The following GPR4 variants were observed in gnomAD, a reference collection of about 807,000 sequenced individuals.
GPR4 encodes the protein G-prodeshotein coupled receptor 4.
GPR4 carries 11 observed loss-of-function variants against 17.8 expected under a neutral mutation model. That is an observed-to-expected ratio of 0.62 (90% CI 0.39 to 1.02). The LOEUF (loss-of-function observed/expected upper bound fraction) is 1.02, where lower values mean the gene tolerates loss of function less well. Ranked by LOEUF, GPR4 falls within the 50% of genes least tolerant of loss-of-function variation. The pLI is 0.00. For missense variants in GPR4, 364 were observed against 495.4 expected (o/e 0.73, Z 2.52); for synonymous variants, 219 against 222.8 (o/e 0.98, Z 0.15).
In GPR4 at chr19:45,591,654, C is replaced by T; in HGVS notation, c.213G>A (p.Pro71=). ...IADLLYICTL[P]LWVDYFLHHD... is the part of the protein sequence containing the mutation. ...GGTGCAGGAAGTAGTCCACCCACAGCGGCAGCGTGCAGATGTACAGCAGGT... is the reference window on the plus strand; with the variant it reads ...GGTGCAGGAAGTAGTCCACCCACAGTGGCAGCGTGCAGATGTACAGCAGGT... The change falls in exon 2 of 2, where the codon CCG becomes CCA. Residue 71 remains proline (P), a synonymous_variant. Coordinates refer to ENST00000323040, the MANE Select transcript of GPR4 (RefSeq NM_005282.3). This position sits in a 1 kb window ranked among gnomAD's most constrained non-coding sequence, Gnocchi z 7.6. 1.2e-6 allele frequency: 2 copies of T among 1,613,942 alleles called. No homozygotes were observed.
chr19:45,601,404 TGGCGGGCG>T (rs945606707), intron 1 of GPR4, among the ~76,000 whole-genome samples: 1 of 151,676 alleles, frequency 6.6e-6, no homozygotes, highest in Non-Finnish European at 1.5e-5. Flanking sequence ...TTCCTGAAAT[TGGCGGGCG>T]GGCTGGGTGC....
chr19:45,597,452 G>A (rs1970068999), intron 1 of GPR4, among the ~76,000 whole-genome samples: 1 of 152,038 alleles, frequency 6.6e-6, no homozygotes, highest in Non-Finnish European at 1.5e-5. Context: ...CCTGCCCCAG[G>A]ACCCTCTCCT....
chr19:45,593,526 G>GAA (rs149403242), intron 1 of GPR4, among the ~76,000 whole-genome samples: 33 of 138,926 alleles, frequency 2.4e-4, no homozygotes, highest in Admixed American at 1.6e-3. Context: ...AGAAAAAAAA[G>GAA]AAAAAAAAAA....
chr19:45,598,713 C>A (rs920503531), intron 1 of GPR4, among the ~76,000 whole-genome samples: 1 of 152,128 alleles, frequency 6.6e-6, no homozygotes, highest in African/African-American at 2.4e-5. Flanking sequence ...TATTTCTGAC[C>A]CCTTCCTGGT....
At chr19:45,594,094 A>ATTTT (rs1970032285) in intron 1 of GPR4, among the ~76,000 whole-genome samples, 1 of 112,950 alleles carries the variant, frequency 8.9e-6, no homozygotes, top group Non-Finnish European at 1.6e-5. Context: ...ATATATATAT[A>ATTTT]AAATAGATGC....
chr19:45,595,744 T>C (rs1434674303), intron 1 of GPR4, among the ~76,000 whole-genome samples: 6 of 151,794 alleles, frequency 4.0e-5, no homozygotes, highest in African/African-American at 1.5e-4. Context: ...GCTTTTTTTT[T>C]TTTTCCCCCA....
rs1361074582 is a variant in GPR4, at chr19:45,595,315, ATAAAAAAT to A, written c.-831-2626_-831-2619del. 1.1e-3 allele frequency among the ~76,000 whole-genome samples: 147 copies of A among 137,028 alleles called. 1 individual carries two copies. The highest frequency in any genetic ancestry group is 4.1e-3 in the South Asian group (18 of 4,386). 89.9% of individuals were successfully genotyped at this position (137,028 alleles called of 152,430 possible). ...AATAAATAAATAAATAAATAAATAA[ATAAAAAAT>A]AACTGGACAGAAAAGGGCCCTGGGC... On this transcript the variant is annotated intron_variant, in intron 1 of 1. Transcript: ENST00000323040.
At position 45,601,449 on chromosome 19, in the gene GPR4, G is replaced by C. The variant is rs1419791934; in HGVS notation, c.-832+646C>G. On this transcript the variant is annotated intron_variant, in intron 1 of 1. Coordinates refer to ENST00000323040, the MANE Select transcript of GPR4 (RefSeq NM_005282.3). ...ACCTGAGGGGCAGTGGGGTGGCTCC[G>C]TGAAGGGGGCGCTGGGATCATGGTG... 2.0e-5 allele frequency among the ~76,000 whole-genome samples: 3 copies of C among 152,082 alleles called. No individual in the cohort carries two copies. In the East Asian group the frequency reaches 5.8e-4, roughly 29 times the overall value.
intron 1 of GPR4, among the ~76,000 whole-genome samples, chr19:45,599,378 G>C (rs1970089650): frequency 6.6e-6 from 1 of 151,768 alleles, no homozygotes; most frequent in Admixed American, 6.6e-5. Context: ...ATGCCACCAG[G>C]CTATCTCACC....
chr19:45,599,099 G>GC lies in GPR4; in HGVS notation c.-832+2995dup, dbSNP rs140002875. 4.8e-4 allele frequency among the ~76,000 whole-genome samples: 73 copies of GC among 152,262 alleles called. No individual in the cohort carries two copies. In the East Asian group the frequency reaches 0.012, roughly 25 times the overall value. The stretch of plus-strand genomic sequence containing the variant: ...GAAGCTCCCCCTGTCTGTCCCACAG[G>GC]CCCCCACTTCTTGGGTCCCTGCTGG... On this transcript the variant is annotated intron_variant, in intron 1 of 1. Transcript: ENST00000323040.
At position 45,595,748 on chromosome 19, in the gene GPR4, T is replaced by C. The variant is rs917630538; in HGVS notation, c.-831-3051A>G. 9.7e-4 allele frequency among the ~76,000 whole-genome samples: 138 copies of C among 141,902 alleles called. 1 individual carries two copies. Among genetic ancestry groups the C allele is most frequent in the Admixed American group, 1.4e-3 (19 of 14,074 alleles). The allele number at this position is 141,902 out of a possible 152,430, so 93.1% of individuals were successfully genotyped here. A position where few individuals can be genotyped will look rare whatever the true frequency, so the allele number is the denominator to read the frequency against. On this transcript the variant is annotated intron_variant, in intron 1 of 1. Transcript: ENST00000323040. Reference sequence around the variant, plus strand: ...CGTGAAACCTGGCTTTTTTTTTTTTTCCCCCAACAAGATCTTAACCAGAAA... The same window carrying C: ...CGTGAAACCTGGCTTTTTTTTTTTTCCCCCCAACAAGATCTTAACCAGAAA...
Position 45,591,112 on chromosome 19 carries a change from A to G in GPR4, c.755T>C (p.Leu252Pro). ...VLLLSRSAIY[L>P]GRPWDCGFEE... ...GAAGCCGCAGTCCCAGGGGCGGCCC[A>G]GGTAGATGGCGCTGCGGGACAGCAA... Residue 252 changes from leucine to proline, a missense_variant, in exon 2 of 2, where the codon CTG becomes CCG. Leu to Pro is a moderately conservative substitution (Grantham distance 98, BLOSUM62 -3). Transcript: ENST00000323040. This position sits in a 1 kb window ranked among gnomAD's most constrained non-coding sequence, Gnocchi z 7.6. 6.2e-7 allele frequency: 1 copy of G among 1,613,828 alleles called. No individual in the cohort carries two copies. The highest frequency in any genetic ancestry group is 1.1e-5 in the South Asian group (1 of 91,080).
intron 1 of GPR4, among the ~76,000 whole-genome samples, chr19:45,599,963 G>A (rs1204377834): frequency 1.3e-5 from 2 of 152,050 alleles, no homozygotes; most frequent in East Asian, 1.9e-4. Context: ...CCAGCAAACA[G>A]GAATATGTAT....
chr19:45,597,135 C>A (rs12609190), intron 1 of GPR4, among the ~76,000 whole-genome samples: 17,383 of 151,842 alleles, frequency 0.11, 1,266 homozygotes, highest in Non-Finnish European at 0.17. Flanking sequence ...GTGGCACGAT[C>A]TCGGCTCACT....
chr19:45,596,693 T>C (rs1970061862), intron 1 of GPR4, among the ~76,000 whole-genome samples: 1 of 152,096 alleles, frequency 6.6e-6, no homozygotes, highest in South Asian at 2.1e-4. Context: ...TACAGGTGTG[T>C]GCCACCACAC....
intron 1 of GPR4, among the ~76,000 whole-genome samples, chr19:45,593,029 A>AAAAAAT (rs1307089485): frequency 5.9e-5 from 9 of 151,856 alleles, no homozygotes; most frequent in African/African-American, 2.2e-4. Flanking sequence ...CAGTCTCTAC[A>AAAAAAT]AAAAATAAAA....
At position 45,590,637 on chromosome 19, in the gene GPR4, C is replaced by A. The variant is rs997508231; in HGVS notation, c.*141G>T. On this transcript the variant is annotated 3_prime_UTR_variant, in exon 2 of 2. Coordinates refer to ENST00000323040, the MANE Select transcript of GPR4 (RefSeq NM_005282.3). ...AGCACAAAGGTTGACCAGTGACACACCAACCTCACTCTTCCTAAGTTCTTG... is the reference window on the plus strand; with the variant it reads ...AGCACAAAGGTTGACCAGTGACACAACAACCTCACTCTTCCTAAGTTCTTG... 8.9e-7 allele frequency: 1 copy of A among 1,119,410 alleles called. No homozygotes were observed. The highest frequency in any genetic ancestry group is 2.6e-5 in the East Asian group (1 of 38,408). The allele number at this position is 1,119,410 out of a possible 1,614,324, so 69.3% of individuals were successfully genotyped here.
intron 1 of GPR4, among the ~76,000 whole-genome samples, chr19:45,595,074 C>T (rs1046887607): frequency 3.9e-5 from 6 of 151,918 alleles, no homozygotes; most frequent in Admixed American, 6.6e-5. Context: ...GTCGGGAGTT[C>T]GAGACCAGCC....
chr19:45,590,925 C>A lies in GPR4; in HGVS notation c.942G>T (p.Gln314His), dbSNP rs900703201. 2 of 1,614,148 alleles carry A rather than the reference C, an allele frequency of 1.2e-6. No individual in the cohort carries two copies. The highest frequency in any genetic ancestry group is 1.7e-6 in the Non-Finnish European group (2 of 1,180,042). Residue 314 changes from glutamine to histidine, a missense_variant, in exon 2 of 2, where the codon CAG (glutamine) becomes CAT (histidine). Physicochemically the swap from Gln to His is conservative, Grantham distance 24. This residue lies in a region of GPR4 where 92 missense variants were observed against 106.0 expected (regional missense o/e 0.87). Coordinates refer to ENST00000323040, the MANE Select transcript of GPR4 (RefSeq NM_005282.3). Reference sequence around the variant, plus strand: ...GGGTGAGCGAGGCATTGGCCATCTCCTGGGGCTTGTCGCTGGCCAGAAAGC... The same window carrying A: ...GGGTGAGCGAGGCATTGGCCATCTCATGGGGCTTGTCGCTGGCCAGAAAGC... ...LLRFLASDKP[Q>H]EMANASLTLE...
Sources: gnomAD v4.1 joint callset for allele counts (sites outside exome capture counted in the v4.1 genomes callset) on GRCh38, gnomAD v4.1.1 for gene constraint, gnomAD v4.1.1 regional missense constraint, Gnocchi (gnomAD v3.1) non-coding constraint, MANE v1.5 for transcripts, NCBI Gene and HGNC (gene_info 2026-07-23, HGNC 2026-07-21) for gene names.